RNF180: variants seen among roughly 807,000 people sequenced by gnomAD.
The protein encoded by RNF180 is E3 ubiquitin-protein ligase RNF180.
RNF180 carries 38 observed loss-of-function variants against 59.2 expected under a neutral mutation model. That is an observed-to-expected ratio of 0.64 (90% CI 0.50 to 0.84). RNF180 has a LOEUF of 0.84. Ranked by LOEUF, RNF180 falls within the 40% of genes least tolerant of loss-of-function variation. The pLI is 0.00. For synonymous variants in RNF180, 262 were observed against 240.3 expected (o/e 1.09, Z -0.84); for missense variants, 705 against 700.9 (o/e 1.01, Z -0.07).
intron 7 of RNF180, among the ~76,000 whole-genome samples, chr5:64,348,411 G>C (rs974697336): frequency 6.6e-6 from 1 of 152,006 alleles, no homozygotes; most frequent in Non-Finnish European, 1.5e-5. Context: ...GCATTCCTTA[G>C]AGTCCTAAGA....
intron 5 of RNF180, among the ~76,000 whole-genome samples, chr5:64,324,037 G>A (rs1744505094): frequency 1.3e-5 from 2 of 152,046 alleles, no homozygotes; most frequent in African/African-American, 4.8e-5. Flanking sequence ...GTGACTTCAG[G>A]CGAAATAACA....
At chr5:64,259,089 AAG>A (rs1744162714) in intron 5 of RNF180, among the ~76,000 whole-genome samples, 1 of 152,108 alleles carries the variant, frequency 6.6e-6, no homozygotes, top group South Asian at 2.1e-4. Flanking sequence ...ACTAATTTGA[AAG>A]AGGAATTAAA....
chr5:64,368,456 T>C (rs1011662360), intron 7 of RNF180, among the ~76,000 whole-genome samples: 1 of 151,796 alleles, frequency 6.6e-6, no homozygotes, highest in Non-Finnish European at 1.5e-5. Flanking sequence ...AAGAGTTAAA[T>C]GACTTGCCCC....
At chr5:64,252,663 G>T (rs1743659562) in intron 5 of RNF180, among the ~76,000 whole-genome samples, 1 of 152,148 alleles carries the variant, frequency 6.6e-6, no homozygotes, top group Admixed American at 6.6e-5. Flanking sequence ...CATGAGGACA[G>T]CTGCCCAGAA....
chr5:64,231,466 T>C (rs1471249116), intron 5 of RNF180, among the ~76,000 whole-genome samples: 12 of 152,248 alleles, frequency 7.9e-5, no homozygotes, highest in Admixed American at 7.9e-4. Context: ...TCTTTATTTA[T>C]CCTCAAATGG....
At chr5:64,201,499 A>G (rs1186132175) in intron 2 of RNF180, among the ~76,000 whole-genome samples, 1 of 152,226 alleles carries the variant, frequency 6.6e-6, no homozygotes, top group Non-Finnish European at 1.5e-5. Flanking sequence ...TCAAAGAGGC[A>G]TGAACTAGAA....
At chr5:64,342,198 A>C (rs1179418438) in intron 7 of RNF180, among the ~76,000 whole-genome samples, 1 of 152,184 alleles carries the variant, frequency 6.6e-6, no homozygotes, top group Non-Finnish European at 1.5e-5. Flanking sequence ...GGGGGAAATT[A>C]TAAGTTACAA....
intron 5 of RNF180, among the ~76,000 whole-genome samples, chr5:64,219,800 T>C (rs999214690): frequency 6.6e-6 from 1 of 152,064 alleles, no homozygotes; most frequent in Non-Finnish European, 1.5e-5. Context: ...ATTACAGGCG[T>C]GAGCCACCGC....
At chr5:64,325,073 C>T in intron 5 of RNF180, 113 bp from the exon 6 acceptor site, 3 of 637,534 alleles carry the variant, frequency 4.7e-6, no homozygotes, top group South Asian at 2.1e-5. Flanking sequence ...TTGAATATGC[C>T]ACAGTTTATA....
chr5:64,354,635 C>G lies in RNF180; in HGVS notation c.1580-14980C>G, dbSNP rs531301836. Among the ~76,000 whole-genome samples the G allele has an allele frequency of 4.0e-5, 6 of 151,842 alleles. No homozygotes were observed. The South Asian group carries it at 1.2e-3, about 31-fold the overall frequency. On this transcript the variant is annotated intron_variant, in intron 7 of 7. Coordinates refer to ENST00000389100, the MANE Select transcript of RNF180 (RefSeq NM_001113561.2). ...ACCTCAGTATGAAAGCCAAAGTTAT[C>G]ACAAGAAAAGAATTATAGACCACTA...
intron 5 of RNF180, among the ~76,000 whole-genome samples, chr5:64,249,377 G>A (rs757596828): frequency 5.3e-5 from 8 of 152,140 alleles, no homozygotes; most frequent in South Asian, 4.1e-4. Context: ...CTTCTCAGCC[G>A]AAACCTTACA....
chr5:64,275,865 A>G (rs1741684493), intron 5 of RNF180, among the ~76,000 whole-genome samples: 1 of 152,026 alleles, frequency 6.6e-6, no homozygotes, highest in African/African-American at 2.4e-5. Context: ...CTACTCCCCT[A>G]CCACCCTAAG....
intron 5 of RNF180, among the ~76,000 whole-genome samples, chr5:64,263,647 A>G (rs1489301234): frequency 6.6e-6 from 1 of 152,176 alleles, no homozygotes; most frequent in Non-Finnish European, 1.5e-5. Flanking sequence ...TCCATAATTC[A>G]TGACAAAACA....
intron 5 of RNF180, among the ~76,000 whole-genome samples, chr5:64,251,057 CATAA>C (rs1042739368): frequency 6.6e-6 from 1 of 152,066 alleles, no homozygotes; most frequent in African/African-American, 2.4e-5. Context: ...TTTCAACATA[CATAA>C]ATAAATAAAT....
At chr5:64,235,532 T>A (rs74486452) in intron 5 of RNF180, among the ~76,000 whole-genome samples, 6,831 of 151,900 alleles carry the variant, frequency 0.045, 505 homozygotes, top group African/African-American at 0.15. Context: ...CACATTCATT[T>A]TGTGAAAATA....
At chr5:64,261,494 A>G (rs903950308) in intron 5 of RNF180, among the ~76,000 whole-genome samples, 2 of 152,154 alleles carry the variant, frequency 1.3e-5, no homozygotes, top group Non-Finnish European at 2.9e-5. Context: ...GTCCTTTTAC[A>G]TATTCCTAAT....
At chr5:64,304,183 A>G (rs1307541918) in intron 5 of RNF180, among the ~76,000 whole-genome samples, 2 of 151,662 alleles carry the variant, frequency 1.3e-5, no homozygotes, top group Admixed American at 1.3e-4. Context: ...CAGTGTACCT[A>G]GTCACCAGAG....
chr5:64,320,105 G>C (rs1013209836), intron 5 of RNF180, among the ~76,000 whole-genome samples: 1 of 152,190 alleles, frequency 6.6e-6, no homozygotes, highest in Non-Finnish European at 1.5e-5. Flanking sequence ...GATGGGCCCA[G>C]CATTAATTTA....
intron 5 of RNF180, among the ~76,000 whole-genome samples, chr5:64,285,564 T>C (rs1403990153): frequency 1.3e-5 from 2 of 151,972 alleles, no homozygotes; most frequent in Admixed American, 1.3e-4. Context: ...GCTGGAGCTC[T>C]CTGATGGTTA....
Sources: gnomAD v4.1 joint callset for allele counts (sites outside exome capture counted in the v4.1 genomes callset) on GRCh38, gnomAD v4.1.1 for gene constraint, MANE v1.5 for transcripts, NCBI Gene and HGNC (gene_info 2026-07-23, HGNC 2026-07-21) for gene names.